Variants in MDGA2 observed in about 807,000 individuals in gnomAD.
The protein encoded by MDGA2 is MAM domain-containing glycosylphosphatidylinositol anchor protein 2.
In MDGA2, 40 loss-of-function variants were observed where a neutral mutation model predicts 117.8. That is an observed-to-expected ratio of 0.34 (90% confidence interval 0.26 to 0.44). MDGA2 has a LOEUF of 0.44. MDGA2 is among the 20% of genes least tolerant of loss of function. MDGA2 has a pLI of 1.00. For synonymous variants in MDGA2, 452 were observed against 439.0 expected (o/e 1.03, Z -0.37); for missense variants, 1,123 against 1,250.6 (o/e 0.90, Z 1.54).
At chr14:47,178,591 A>G (rs1884572448) in intron 3 of MDGA2, among the ~76,000 whole-genome samples, 1 of 152,162 alleles carries the variant, frequency 6.6e-6, no homozygotes, top group Admixed American at 6.6e-5. Flanking sequence ...CCAGGCACTG[A>G]CCTAGGTATA....
intron 2 of MDGA2, among the ~76,000 whole-genome samples, chr14:47,219,597 T>A (rs1246612527): frequency 6.6e-6 from 1 of 152,020 alleles, no homozygotes; most frequent in African/African-American, 2.4e-5. Flanking sequence ...AAAATTTACC[T>A]TACTAACATA....
At chr14:46,857,933 C>G (rs1881338054) in intron 14 of MDGA2, among the ~76,000 whole-genome samples, 1 of 152,102 alleles carries the variant, frequency 6.6e-6, no homozygotes, top group Non-Finnish European at 1.5e-5. Flanking sequence ...GGATTACAGA[C>G]TTGAGTTACC....
intron 1 of MDGA2, among the ~76,000 whole-genome samples, chr14:47,393,275 T>C (rs1014003668): frequency 5.3e-5 from 8 of 151,794 alleles, no homozygotes; most frequent in Admixed American, 3.9e-4. Context: ...GTGTACTTAC[T>C]ATGGCAAAAT....
At chr14:46,982,734 A>AAAAAAAAAAAAAAAAAATAATAAT (rs1449356596) in intron 8 of MDGA2, among the ~76,000 whole-genome samples, 1 of 130,322 alleles carries the variant, frequency 7.7e-6, no homozygotes. Flanking sequence ...AAAAAAAAAA[A>AAAAAAAAAAAAAAAAAATAATAAT]AATCATGTCA....
chr14:47,283,864 T>C (rs779211751), intron 2 of MDGA2, among the ~76,000 whole-genome samples: 15 of 152,262 alleles, frequency 9.9e-5, no homozygotes, highest in Non-Finnish European at 2.1e-4. Context: ...TTTTGATGGG[T>C]GACGATAATA....
chr14:47,624,198 C>A (rs538553059), intron 1 of MDGA2, among the ~76,000 whole-genome samples: 16 of 152,326 alleles, frequency 1.1e-4, no homozygotes, highest in African/African-American at 3.1e-4. Flanking sequence ...TAGCTCACGC[C>A]TGTAATCCCA....
At chr14:47,617,030 C>G (rs1378641262) in intron 1 of MDGA2, among the ~76,000 whole-genome samples, 1 of 152,100 alleles carries the variant, frequency 6.6e-6, no homozygotes, top group Non-Finnish European at 1.5e-5. Context: ...TTCTACCGGA[C>G]AGCAATGATT....
At chr14:46,963,316 T>G (rs778096535) in intron 8 of MDGA2, among the ~76,000 whole-genome samples, 15 of 152,194 alleles carry the variant, frequency 9.9e-5, no homozygotes, top group African/African-American at 1.4e-4. Context: ...CTGTAATAGG[T>G]CAATGTACTT....
chr14:46,916,310 G>A (rs1055014011), intron 10 of MDGA2, among the ~76,000 whole-genome samples: 3 of 152,132 alleles, frequency 2.0e-5, no homozygotes, highest in African/African-American at 7.2e-5. Context: ...CATGAGAAAC[G>A]TACAGAGACC....
chr14:47,106,519 C>G (rs4405460), intron 5 of MDGA2, among the ~76,000 whole-genome samples: 1 of 150,506 alleles, frequency 6.6e-6, no homozygotes, highest in African/African-American at 2.5e-5. Flanking sequence ...TCCTAAGCCG[C>G]GTCCCATCTG....
At chr14:46,998,518 T>G (rs1887383491) in intron 8 of MDGA2, among the ~76,000 whole-genome samples, 1 of 152,138 alleles carries the variant, frequency 6.6e-6, no homozygotes, top group Non-Finnish European at 1.5e-5. Context: ...AATATCAAGC[T>G]CTTTTGCATT....
intron 1 of MDGA2, among the ~76,000 whole-genome samples, chr14:47,599,788 C>T (rs1367212608): frequency 6.6e-6 from 1 of 152,106 alleles, no homozygotes; most frequent in South Asian, 2.1e-4. Context: ...AGCCAGGGCT[C>T]GGAATCAAGT....
intron 8 of MDGA2, among the ~76,000 whole-genome samples, chr14:46,983,394 ATATTT>A (rs1886755205): frequency 6.6e-6 from 1 of 152,048 alleles, no homozygotes; most frequent in Non-Finnish European, 1.5e-5. Flanking sequence ...CTTCACAGTT[ATATTT>A]TATGACTTAT....
intron 6 of MDGA2, among the ~76,000 whole-genome samples, chr14:47,089,369 G>C (rs999897652): frequency 6.6e-6 from 1 of 151,824 alleles, no homozygotes; most frequent in Non-Finnish European, 1.5e-5. Context: ...TTCTGTTTTA[G>C]GTTTCTTTTT....
intron 10 of MDGA2, among the ~76,000 whole-genome samples, chr14:46,888,321 G>A (rs1206491017): frequency 2.6e-5 from 4 of 151,816 alleles, no homozygotes; most frequent in Non-Finnish European, 5.9e-5. Flanking sequence ...CAGAGAAGAT[G>A]GGTTCTAAAC....
intron 7 of MDGA2, among the ~76,000 whole-genome samples, chr14:47,040,282 C>G (rs1594555909): frequency 6.6e-6 from 1 of 152,046 alleles, no homozygotes; most frequent in Non-Finnish European, 1.5e-5. Flanking sequence ...AGAACTATAC[C>G]AGAACACTAA....
chr14:47,275,650 A>G lies in MDGA2; in HGVS notation c.420+25761T>C, dbSNP rs1368939796. Among the ~76,000 whole-genome samples, 15 of 152,292 alleles carry G rather than the reference A, an allele frequency of 9.8e-5. No homozygotes were observed. The East Asian group carries it at 2.3e-3, about 24-fold the overall frequency. ...TAATTCCATGAAAAAAGGGGGAAAC[A>G]TTTAATAATATTGCTAACTATAGCA... On this transcript the variant is annotated intron_variant, in intron 2 of 16. Coordinates refer to ENST00000399232, the MANE Select transcript of MDGA2 (RefSeq NM_001113498.3).
At chr14:47,547,213 A>G (rs1318044413) in intron 1 of MDGA2, among the ~76,000 whole-genome samples, 1 of 152,208 alleles carries the variant, frequency 6.6e-6, no homozygotes, top group Non-Finnish European at 1.5e-5. Context: ...CTATACATGA[A>G]AGAAAGACTG....
At chr14:47,628,562 A>C (rs1897194221) in intron 1 of MDGA2, among the ~76,000 whole-genome samples, 1 of 152,246 alleles carries the variant, frequency 6.6e-6, no homozygotes, top group Non-Finnish European at 1.5e-5. Context: ...GTTCTCACTA[A>C]GTATTAGATT....
Sources: allele counts gnomAD v4.1 joint callset (sites outside exome capture counted in the v4.1 genomes callset), GRCh38; gene constraint gnomAD v4.1.1; transcripts MANE v1.5; gene names NCBI Gene and HGNC (gene_info 2026-07-23, HGNC 2026-07-21).